The following MROH1 variants were observed in gnomAD, a reference collection of about 807,000 sequenced individuals.
MROH1 encodes the protein maestro heat like repeat family member 1, also known as maestro heat-like repeat-containing protein family member 1.
Under a neutral mutation model 116.5 loss-of-function variants are expected in MROH1, and 117 were observed. The observed-to-expected ratio is 1.00, with a 90% CI of 0.86 to 1.17. MROH1 has a LOEUF of 1.17. Among genes scored for constraint, MROH1 ranks in the 50% most tolerant of loss-of-function variants. The pLI is 0.00. For missense variants in MROH1, 1,873 were observed against 1,338.5 expected, an observed-to-expected ratio of 1.40 and a Z score of -6.23; for synonymous variants, 921 against 583.9, an observed-to-expected ratio of 1.58 and a Z score of -8.32.
At chr8:144,191,629 G>A (rs763137271) in intron 8 of MROH1, 86 bp from the exon 9 acceptor site, 114 of 1,528,692 alleles carry the variant, frequency 7.5e-5, no homozygotes, top group Non-Finnish European at 8.8e-5. Flanking sequence ...GTTCGTTCAC[G>A]TCCGTCACGG....
chr8:144,207,250 C>T (rs1319972538), intron 12 of MROH1, among the ~76,000 whole-genome samples: 3 of 151,672 alleles, frequency 2.0e-5, no homozygotes, highest in African/African-American at 7.3e-5. Flanking sequence ...TGCAGTGGTG[C>T]GATCTTGGCT....
In MROH1 at chr8:144,258,954, G is replaced by T. The variant is rs2129945755; in HGVS notation, c.3929+40G>T. On this transcript the variant is annotated intron_variant, in intron 36 of 43. Coordinates refer to ENST00000326134, the MANE Select transcript of MROH1 (RefSeq NM_032450.3). Reference sequence around the variant, plus strand: ...CCCACTGCAGCTCCAGCACTGGCTGGGCTCCACCGGATCTCGAGCCCAGAA... The same window carrying T: ...CCCACTGCAGCTCCAGCACTGGCTGTGCTCCACCGGATCTCGAGCCCAGAA... 7 of 698,672 alleles carry T rather than the reference G, an allele frequency of 1.0e-5. No homozygotes were observed. In the Middle Eastern group the frequency reaches 1.9e-3, roughly 191 times the overall value. 43.3% of individuals were successfully genotyped at this position (698,672 alleles called of 1,614,324 possible).
At chr8:144,211,743 AAAAG>A (rs372248907) in intron 12 of MROH1, among the ~76,000 whole-genome samples, 115 of 152,172 alleles carry the variant, frequency 7.6e-4, no homozygotes, top group African/African-American at 2.2e-3. Flanking sequence ...AAAAAAAAGA[AAAAG>A]AAAGGTAGGT....
chr8:144,189,780 G>T (rs1300289544), intron 7 of MROH1, among the ~76,000 whole-genome samples: 1 of 152,162 alleles, frequency 6.6e-6, no homozygotes, highest in African/African-American at 2.4e-5. Flanking sequence ...GGCAGAATGT[G>T]TGGCACAAGT....
chr8:144,256,494 C>G (rs1204721423), intron 35 of MROH1, among the ~76,000 whole-genome samples: 1 of 151,834 alleles, frequency 6.6e-6, no homozygotes, highest in Admixed American at 6.6e-5. Context: ...AGACCCAGGC[C>G]AGCTCGTAAA....
chr8:144,204,473 G>A (rs545330317), intron 12 of MROH1, among the ~76,000 whole-genome samples: 10 of 152,262 alleles, frequency 6.6e-5, no homozygotes, highest in African/African-American at 2.4e-4. Context: ...AAATGTACAC[G>A]TTAACTGTTC....
At chr8:144,233,900 T>C (rs530609622) in intron 14 of MROH1, among the ~76,000 whole-genome samples, 1 of 152,260 alleles carries the variant, frequency 6.6e-6, no homozygotes, top group Non-Finnish European at 1.5e-5. Context: ...TGAATTCCCA[T>C]GTGAATTTAT....
Position 144,191,856 on chromosome 8 carries a change from G to T in MROH1, c.855+1G>T. On this transcript the variant is annotated splice_donor_variant, in intron 9 of 43. Transcript: ENST00000326134. LOFTEE classifies it high-confidence loss of function. Reference sequence around the variant, plus strand: ...CGCAGAGACCTTCTACTTGTCCAAGGTATCTGCAGGCAGGGCAGGTCTACT... The same window carrying T: ...CGCAGAGACCTTCTACTTGTCCAAGTTATCTGCAGGCAGGGCAGGTCTACT... The T allele has an allele frequency of 6.2e-7, 1 of 1,613,200 alleles. No homozygotes were observed.
chr8:144,234,950 T>C (rs558897051), intron 14 of MROH1, among the ~76,000 whole-genome samples: 54 of 140,488 alleles, frequency 3.8e-4, no homozygotes, highest in Non-Finnish European at 6.1e-4. Context: ...TGCAGTGCAA[T>C]GGCACCCTCT....
At chr8:144,167,010 A>C (rs1415478146) in intron 3 of MROH1, among the ~76,000 whole-genome samples, 1 of 152,240 alleles carries the variant, frequency 6.6e-6, no homozygotes, top group Non-Finnish European at 1.5e-5. Flanking sequence ...CTGCTCAGGA[A>C]GGAATATCTT....
chr8:144,178,968 G>A (rs1054725846), intron 4 of MROH1, among the ~76,000 whole-genome samples: 2 of 152,076 alleles, frequency 1.3e-5, no homozygotes, highest in Non-Finnish European at 2.9e-5. Context: ...AGGTGGAGGT[G>A]GCTTGGGGGC....
intron 1 of MROH1, among the ~76,000 whole-genome samples, chr8:144,158,194 T>G (rs1294805239): frequency 6.6e-6 from 1 of 151,540 alleles, no homozygotes; most frequent in African/African-American, 2.4e-5. Context: ...GGTTTCACCA[T>G]ACTGGCCGGG....
intron 12 of MROH1, among the ~76,000 whole-genome samples, chr8:144,205,538 G>T (rs200733111): frequency 7.8e-6 from 1 of 127,580 alleles, no homozygotes. Flanking sequence ...ACACACACAC[G>T]CATGCATGCC....
At chr8:144,205,985 A>G (rs1832725013) in intron 12 of MROH1, among the ~76,000 whole-genome samples, 1 of 152,180 alleles carries the variant, frequency 6.6e-6, no homozygotes, top group South Asian at 2.1e-4. Flanking sequence ...ACATTTTTCT[A>G]AAACCCAAAA....
At chr8:144,186,919 C>A (rs1827339670) in intron 7 of MROH1, among the ~76,000 whole-genome samples, 1 of 151,902 alleles carries the variant, frequency 6.6e-6, no homozygotes, top group African/African-American at 2.4e-5. Context: ...ACGGTGAAAC[C>A]CCGTCTCAAC....
At chr8:144,212,702 G>GC (rs1834406492) in intron 12 of MROH1, among the ~76,000 whole-genome samples, 1 of 141,714 alleles carries the variant, frequency 7.1e-6, no homozygotes, top group Admixed American at 7.8e-5. Context: ...CGATTCTCAT[G>GC]CCCCAGCCTC....
chr8:144,232,741 C>G (rs1839169132), intron 14 of MROH1, among the ~76,000 whole-genome samples: 1 of 152,028 alleles, frequency 6.6e-6, no homozygotes, highest in South Asian at 2.1e-4. Context: ...GATCTGCCCA[C>G]CTCGGCCTCC....
chr8:144,172,565 C>G (rs1321160872), intron 4 of MROH1, among the ~76,000 whole-genome samples: 1 of 152,094 alleles, frequency 6.6e-6, no homozygotes. Context: ...ACGCGTGCCA[C>G]CACACCAGCT....
At chr8:144,192,897 G>A (rs945523237) in intron 10 of MROH1, 7 of 312,680 alleles carry the variant, frequency 2.2e-5, no homozygotes, top group African/African-American at 1.1e-4. Flanking sequence ...ACTGAGGGAT[G>A]CAGGTGCCGG....
Sources: gnomAD v4.1 joint callset for allele counts (sites outside exome capture counted in the v4.1 genomes callset) on GRCh38, gnomAD v4.1.1 for gene constraint, MANE v1.5 for transcripts, NCBI Gene and HGNC (gene_info 2026-07-23, HGNC 2026-07-21) for gene names.